The following FRAS1 variants were observed in gnomAD, a reference collection of about 807,000 sequenced individuals.
FRAS1 encodes the protein extracellular matrix organizing protein FRAS1.
FRAS1 carries 290 observed loss-of-function variants against 435.2 expected under a neutral mutation model. The observed-to-expected ratio is 0.67, with a 90% CI of 0.61 to 0.73. FRAS1 has a LOEUF of 0.73. FRAS1 is among the 30% of genes least tolerant of loss of function. FRAS1 has a pLI of 0.00. For synonymous variants in FRAS1, 1,800 were observed against 1,851.0 expected, an observed-to-expected ratio of 0.97 and a Z score of 0.71; for missense variants, 4,860 against 5,001.5, an observed-to-expected ratio of 0.97 and a Z score of 0.85.
At chr4:78,196,878 A>T (rs530558476) in intron 2 of FRAS1, among the ~76,000 whole-genome samples, 5 of 152,284 alleles carry the variant, frequency 3.3e-5, no homozygotes, top group Admixed American at 3.3e-4. Context: ...GAATCATGGG[A>T]TTCCATAAGT....
chr4:78,125,865 G>A (rs796942705), intron 2 of FRAS1, among the ~76,000 whole-genome samples: 13 of 152,352 alleles, frequency 8.5e-5, no homozygotes, highest in East Asian at 1.9e-4. Context: ...CAATCTGCCC[G>A]TTATTGGAGC....
intron 29 of FRAS1, among the ~76,000 whole-genome samples, chr4:78,396,787 G>A (rs1732690966): frequency 6.6e-6 from 1 of 152,166 alleles, no homozygotes; most frequent in South Asian, 2.1e-4. Context: ...CATTCTTTTT[G>A]ATGGAGTTTG....
intron 29 of FRAS1, among the ~76,000 whole-genome samples, chr4:78,395,676 CTG>C (rs1476839685): frequency 6.6e-6 from 1 of 151,950 alleles, no homozygotes; most frequent in Non-Finnish European, 1.5e-5. Context: ...ATAGGCATCT[CTG>C]TTCTCTTTTG....
At chr4:78,455,038 C>T (rs368210907) in intron 47 of FRAS1, among the ~76,000 whole-genome samples, 1 of 152,276 alleles carries the variant, frequency 6.6e-6, no homozygotes, top group East Asian at 1.9e-4. Flanking sequence ...CCAGTCCCTA[C>T]CAGTTTTTCT....
chr4:78,333,661 T>G (rs765420723), intron 19 of FRAS1, among the ~76,000 whole-genome samples: 4 of 152,234 alleles, frequency 2.6e-5, no homozygotes, highest in Non-Finnish European at 5.9e-5. Context: ...TTGAATAAAC[T>G]CTGAACTTGG....
At chr4:78,315,373 A>G (rs1227354070) in intron 15 of FRAS1, among the ~76,000 whole-genome samples, 26 of 152,174 alleles carry the variant, frequency 1.7e-4, no homozygotes, top group Admixed American at 1.2e-3. Context: ...AGTTTTTGCT[A>G]TGCTTAGTTC....
At chr4:78,258,067 A>T (rs1578210714) in intron 6 of FRAS1, among the ~76,000 whole-genome samples, 1 of 152,288 alleles carries the variant, frequency 6.6e-6, no homozygotes, top group East Asian at 1.9e-4. Context: ...TGAGCCAGGC[A>T]TGGTGGTTCA....
At chr4:78,261,454 T>C (rs1032214868) in intron 6 of FRAS1, among the ~76,000 whole-genome samples, 1 of 152,172 alleles carries the variant, frequency 6.6e-6, no homozygotes, top group African/African-American at 2.4e-5. Context: ...ATTGAATATT[T>C]TAAGCAGAAG....
At position 78,113,473 on chromosome 4, in the gene FRAS1, A is replaced by C. The variant is rs1249598934; in HGVS notation, c.108+47457A>C. On this transcript the variant is annotated intron_variant, in intron 2 of 73. Coordinates refer to ENST00000512123, the MANE Select transcript of FRAS1 (RefSeq NM_025074.7). ...TGTAAAAGTGTTCCTATTTCTCCAC[A>C]TCCTCTCCAGCACCTGTTGTTTCCT... is the stretch of plus-strand genomic sequence containing the variant. Among the ~76,000 whole-genome samples, 4 of 152,078 alleles carry C rather than the reference A, an allele frequency of 2.6e-5. No individual in the cohort carries two copies. In the South Asian group the frequency reaches 8.3e-4, roughly 32 times the overall value.
chr4:78,214,831 C>A (rs1560584487), intron 2 of FRAS1, among the ~76,000 whole-genome samples: 1 of 152,154 alleles, frequency 6.6e-6, no homozygotes, highest in African/African-American at 2.4e-5. Context: ...ATCTTGACAA[C>A]CTTGGATGAA....
At chr4:78,406,834 T>C (rs1485389526) in intron 30 of FRAS1, among the ~76,000 whole-genome samples, 3 of 152,220 alleles carry the variant, frequency 2.0e-5, no homozygotes, top group African/African-American at 4.8e-5. Context: ...TGTCTTCCAC[T>C]GTTAGCTATT....
At chr4:78,383,960 C>T in intron 27 of FRAS1, 99 bp from the exon 28 acceptor site, 3 of 832,684 alleles carry the variant, frequency 3.6e-6, no homozygotes, top group Non-Finnish European at 5.8e-6. Context: ...GATCCAAATT[C>T]TTACCTACAC....
At chr4:78,421,710 C>T (rs115401377) in intron 33 of FRAS1, among the ~76,000 whole-genome samples, 153 bp from the exon 34 acceptor site, 1,536 of 152,214 alleles carry the variant, frequency 0.01, 25 homozygotes, top group African/African-American at 0.035. Flanking sequence ...CCTTAAATAA[C>T]CAGAGAGTGG....
chr4:78,539,141 A>G (rs1026884997), intron 72 of FRAS1, among the ~76,000 whole-genome samples, 153 bp from the exon 73 acceptor site: 2 of 152,086 alleles, frequency 1.3e-5, no homozygotes, highest in African/African-American at 4.8e-5. Context: ...TCAGGCAGCC[A>G]CTGACTTATG....
intron 2 of FRAS1, among the ~76,000 whole-genome samples, chr4:78,141,112 G>C (rs1043721014): frequency 6.6e-6 from 1 of 151,958 alleles, no homozygotes; most frequent in East Asian, 1.9e-4. Context: ...TTGTTACATA[G>C]GTATACATGT....
In FRAS1 at chr4:78,432,246, C is replaced by A. The variant is rs183386439; in HGVS notation, c.4970-111C>A. ...GAGTGGTTGGATTAGCCTGTAACTCCCTGAGTTATGATCCTATATGAACCT... is the reference window on the plus strand; with the variant it reads ...GAGTGGTTGGATTAGCCTGTAACTCACTGAGTTATGATCCTATATGAACCT... On this transcript the variant is annotated intron_variant, in intron 37 of 73. Transcript: ENST00000512123. The A allele has an allele frequency of 7.0e-4, 754 of 1,072,320 alleles. 9 individuals are homozygous for A. The African/African-American group carries it at 0.011, about 15-fold the overall frequency. 66.4% of individuals were successfully genotyped at this position (1,072,320 alleles called of 1,614,324 possible). A position where few individuals can be genotyped will look rare whatever the true frequency, so the allele number is the denominator to read the frequency against.
chr4:78,512,944 C>T (rs184755276), intron 64 of FRAS1, among the ~76,000 whole-genome samples: 4 of 152,238 alleles, frequency 2.6e-5, no homozygotes, highest in Admixed American at 6.5e-5. Flanking sequence ...AAAAGCTCAA[C>T]GATATATTTT....
At chr4:78,496,736 C>G (rs1720518200) in intron 59 of FRAS1, 69 bp from the exon 60 acceptor site, 8 of 1,407,874 alleles carry the variant, frequency 5.7e-6, no homozygotes, top group Non-Finnish European at 7.8e-6. Context: ...AGATAGTTTT[C>G]TAGGAAAACC....
At chr4:78,238,524 A>G (rs1724855166) in intron 3 of FRAS1, among the ~76,000 whole-genome samples, 1 of 151,936 alleles carries the variant, frequency 6.6e-6, no homozygotes, top group South Asian at 2.1e-4. Context: ...TTCTGTTTGT[A>G]CCAGACACTG....
Sources: gnomAD v4.1 joint callset for allele counts (sites outside exome capture counted in the v4.1 genomes callset) on GRCh38, gnomAD v4.1.1 for gene constraint, MANE v1.5 for transcripts, NCBI Gene and HGNC (gene_info 2026-07-23, HGNC 2026-07-21) for gene names.